Variants in MALRD1 observed in about 807,000 individuals in gnomAD.
The protein encoded by MALRD1 is MAM and LDL receptor class A domain containing 1, also known as MAM and LDL-receptor class A domain-containing protein 1.
MALRD1 carries 247 observed loss-of-function variants against 242.1 expected under a neutral mutation model. The observed-to-expected ratio is 1.02, with a 90% confidence interval of 0.92 to 1.13. MALRD1 has a LOEUF of 1.13. Among genes scored for constraint, MALRD1 ranks in the 50% most tolerant of loss-of-function variants. The probability of loss-of-function intolerance (pLI) is 0.00; values close to 1 mark genes in which losing one functional copy is unlikely to be tolerated. For missense variants in MALRD1, 2,989 were observed against 2,533.1 expected (o/e 1.18, Z -3.86); for synonymous variants, 995 against 866.6 (o/e 1.15, Z -2.60).
At chr10:19,644,152 A>C (rs761076836) in intron 36 of MALRD1, among the ~76,000 whole-genome samples, 5 of 152,158 alleles carry the variant, frequency 3.3e-5, no homozygotes, top group Admixed American at 6.5e-5. Flanking sequence ...TTAAAAACCC[A>C]ACTTGACTAT....
intron 35 of MALRD1, among the ~76,000 whole-genome samples, chr10:19,613,676 C>T (rs1001201827): frequency 6.6e-6 from 1 of 152,086 alleles, no homozygotes; most frequent in African/African-American, 2.4e-5. Context: ...AGAATTCTAA[C>T]ACATGAAACA....
At chr10:19,186,809 C>G (rs1322409420) in intron 14 of MALRD1, among the ~76,000 whole-genome samples, 2 of 151,994 alleles carry the variant, frequency 1.3e-5, no homozygotes, top group African/African-American at 4.8e-5. Flanking sequence ...TGAAACTATT[C>G]AGTTCTTCTC....
chr10:19,684,194 C>T (rs915725485), intron 36 of MALRD1, among the ~76,000 whole-genome samples: 1 of 152,122 alleles, frequency 6.6e-6, no homozygotes, highest in Non-Finnish European at 1.5e-5. Context: ...TTGAAAATCT[C>T]CATCAGATTG....
At position 19,110,802 on chromosome 10, in the gene MALRD1, G is replaced by C. The variant is rs540223248; in HGVS notation, c.694+6727G>C. Among the ~76,000 whole-genome samples the C allele has an allele frequency of 2.0e-5, 3 of 152,032 alleles. No individual in the cohort carries two copies. In the South Asian group the frequency reaches 6.2e-4, roughly 32 times the overall value. ...ATTTTATAGTTTCTGCAGAGGTCAG[G>C]GTCTGGCAAAGAAAATGATCCCTGA... On this transcript the variant is annotated intron_variant, in intron 5 of 39. Coordinates refer to ENST00000454679, the MANE Select transcript of MALRD1 (RefSeq NM_001142308.3).
At chr10:19,272,033 AGT>A (rs1840273844) in intron 19 of MALRD1, among the ~76,000 whole-genome samples, 1 of 152,144 alleles carries the variant, frequency 6.6e-6, no homozygotes, top group Admixed American at 6.5e-5. Context: ...AATGTAAACA[AGT>A]GAGAAAAGTT....
chr10:19,202,560 A>G (rs932736826), intron 14 of MALRD1, among the ~76,000 whole-genome samples: 1 of 152,072 alleles, frequency 6.6e-6, no homozygotes, highest in Non-Finnish European at 1.5e-5. Context: ...TTGTAATCTC[A>G]TTTAGTGATT....
intron 33 of MALRD1, among the ~76,000 whole-genome samples, chr10:19,585,493 TTGGC>T (rs1344040550): frequency 6.6e-6 from 1 of 152,146 alleles, no homozygotes; most frequent in Non-Finnish European, 1.5e-5. Flanking sequence ...GAAGCTTAGT[TTGGC>T]TGGATATGAA....
chr10:19,053,363 G>A (rs1834565244), intron 1 of MALRD1, among the ~76,000 whole-genome samples: 1 of 152,136 alleles, frequency 6.6e-6, no homozygotes, highest in African/African-American at 2.4e-5. Context: ...TCTGACAACT[G>A]GAACAAAAAG....
At chr10:19,452,375 G>A (rs1044947123) in intron 29 of MALRD1, among the ~76,000 whole-genome samples, 1 of 152,128 alleles carries the variant, frequency 6.6e-6, no homozygotes, top group Non-Finnish European at 1.5e-5. Context: ...CCAACACTTG[G>A]CTTACTAAGT....
intron 33 of MALRD1, among the ~76,000 whole-genome samples, chr10:19,580,181 C>T (rs567391141): frequency 4.6e-5 from 7 of 152,200 alleles, no homozygotes; most frequent in African/African-American, 1.7e-4. Flanking sequence ...TCACTTTTAC[C>T]TATGTTTTAG....
intron 31 of MALRD1, among the ~76,000 whole-genome samples, chr10:19,514,242 C>A (rs1229655793): frequency 6.6e-6 from 1 of 152,144 alleles, no homozygotes; most frequent in Non-Finnish European, 1.5e-5. Flanking sequence ...TGACTGACAG[C>A]ATTATACTAC....
intron 33 of MALRD1, among the ~76,000 whole-genome samples, chr10:19,579,804 G>A (rs1837016916): frequency 6.6e-6 from 1 of 152,104 alleles, no homozygotes; most frequent in Admixed American, 6.6e-5. Context: ...AATGTGTGCT[G>A]GAAGAAATGT....
intron 24 of MALRD1, among the ~76,000 whole-genome samples, chr10:19,331,904 G>T (rs1386116184): frequency 1.3e-5 from 2 of 152,102 alleles, no homozygotes; most frequent in East Asian, 3.9e-4. Flanking sequence ...ATCTCACTCT[G>T]TTGCAGGATG....
intron 36 of MALRD1, among the ~76,000 whole-genome samples, chr10:19,653,674 G>C (rs952803689): frequency 6.9e-6 from 1 of 144,272 alleles, no homozygotes. Context: ...GGCAATGTCC[G>C]AATAGTCTAT....
intron 36 of MALRD1, among the ~76,000 whole-genome samples, chr10:19,672,271 T>C (rs1388074270): frequency 6.6e-6 from 1 of 152,038 alleles, no homozygotes; most frequent in Non-Finnish European, 1.5e-5. Flanking sequence ...TAAATCTCTC[T>C]CTCTATATAT....
At chr10:19,333,718 T>C (rs1843487404) in intron 24 of MALRD1, among the ~76,000 whole-genome samples, 1 of 152,130 alleles carries the variant, frequency 6.6e-6, no homozygotes, top group African/African-American at 2.4e-5. Context: ...TTCAGAAGTC[T>C]TCAAACTCCT....
At chr10:19,153,862 C>T (rs1834032332) in intron 11 of MALRD1, among the ~76,000 whole-genome samples, 1 of 142,772 alleles carries the variant, frequency 7.0e-6, no homozygotes, top group South Asian at 2.1e-4. Flanking sequence ...TTCTCACCTT[C>T]GTTAACCTCT....
chr10:19,251,517 C>G (rs1331522687), intron 18 of MALRD1, among the ~76,000 whole-genome samples: 2 of 151,844 alleles, frequency 1.3e-5, no homozygotes, highest in Admixed American at 1.3e-4. Flanking sequence ...ATGGAAGGTA[C>G]TTCTCTGGCT....
At chr10:19,411,508 A>G (rs942525277) in intron 28 of MALRD1, among the ~76,000 whole-genome samples, 9 of 152,190 alleles carry the variant, frequency 5.9e-5, no homozygotes, top group African/African-American at 1.7e-4. Flanking sequence ...TTTAATGTGC[A>G]TAATAAGTGC....
Sources: allele counts gnomAD v4.1 joint callset (sites outside exome capture counted in the v4.1 genomes callset), GRCh38; gene constraint gnomAD v4.1.1; transcripts MANE v1.5; gene names NCBI Gene and HGNC (gene_info 2026-07-23, HGNC 2026-07-21).